The following IL17RB variants were observed in gnomAD, a reference collection of about 807,000 sequenced individuals.
The protein encoded by IL17RB is interleukin 17 receptor B.
A neutral mutation model predicts 43.9 loss-of-function variants in IL17RB; 36 were observed. The ratio of observed to expected loss-of-function variants is 0.82; its 90% confidence interval spans 0.63 to 1.08. The LOEUF (loss-of-function observed/expected upper bound fraction) is 1.08. IL17RB is among the 50% of genes least tolerant of loss of function. IL17RB has a pLI of 0.00. For missense variants in IL17RB, 613 were observed against 613.6 expected, an observed-to-expected ratio of 1.00 and a Z score of 0.01; for synonymous variants, 225 against 225.4, an observed-to-expected ratio of 1.00 and a Z score of 0.02.
chr3:53,860,219 T>C lies in IL17RB; in HGVS notation c.937T>C (p.Trp313Arg), dbSNP rs1331619546. Reference sequence around the variant, plus strand: ...GCTGGTGGCAGGGATCTATCTAATGTGGAGGCACGGTAAGGGTTATAATTC... The same window carrying C: ...GCTGGTGGCAGGGATCTATCTAATGCGGAGGCACGGTAAGGGTTATAATTC... ...WVLVAGIYLM[W>R]RHERIKKTSF... is the part of the protein sequence containing the mutation. The change falls in exon 10 of 11, where the codon TGG (tryptophan) becomes CGG (arginine). Residue 313 changes from tryptophan (W) to arginine (R), a missense_variant. Transcript: ENST00000288167. 7.4e-6 allele frequency: 12 copies of C among 1,612,446 alleles called. No homozygotes were observed. In the East Asian group the frequency reaches 2.7e-4, roughly 36 times the overall value.
At chr3:53,856,451 G>C (rs1395715743) in intron 6 of IL17RB, among the ~76,000 whole-genome samples, 3 of 152,234 alleles carry the variant, frequency 2.0e-5, no homozygotes, top group Non-Finnish European at 4.4e-5. Context: ...AGTCCTGATT[G>C]TGAGTTCACT....
intron 4 of IL17RB, among the ~76,000 whole-genome samples, 179 bp downstream of exon 4, chr3:53,852,305 CT>C (rs1334439916): frequency 1.3e-5 from 2 of 151,992 alleles, no homozygotes; most frequent in African/African-American, 4.8e-5. Flanking sequence ...CCAGACCTGG[CT>C]AATTTTTGTA....
chr3:53,848,511 CT>C (rs1273784719), intron 1 of IL17RB, among the ~76,000 whole-genome samples, 152 bp from the exon 2 acceptor site: 2 of 152,366 alleles, frequency 1.3e-5, no homozygotes, highest in Admixed American at 1.3e-4. Context: ...TAGTTCCCCC[CT>C]AAGCTGTGAA....
In IL17RB at chr3:53,864,838, A is replaced by C; in HGVS notation, c.1039A>C (p.Thr347Pro). 1 of 1,614,200 alleles carries C rather than the reference A, an allele frequency of 6.2e-7. No individual in the cohort carries two copies. Among genetic ancestry groups the C allele is most frequent in the Non-Finnish European group, 8.5e-7 (1 of 1,179,996 alleles). The change falls in exon 11 of 11, where the codon ACA becomes CCA. Residue 347 changes from threonine (T) to proline (P), a missense_variant. Coordinates refer to ENST00000288167, the MANE Select transcript of IL17RB (RefSeq NM_018725.4). ...VYPSEICFHH[T>P]ICYFTEFLQN... Reference sequence around the variant, plus strand: ...CCCATCTGAAATATGTTTCCATCACACAATTTGTTACTTCACTGAATTTCT... The same window carrying C: ...CCCATCTGAAATATGTTTCCATCACCCAATTTGTTACTTCACTGAATTTCT...
chr3:53,851,871 CTACCTT>C, intron 3 of IL17RB, 122 bp from the exon 4 acceptor site: 1 of 1,074,004 alleles, frequency 9.3e-7, no homozygotes, highest in Non-Finnish European at 1.4e-6. Context: ...ACAGTGGTGC[CTACCTT>C]TCAGTACTAT....
rs770278772 is a variant in IL17RB, at chr3:53,864,964, GCAGA to G, written c.1168_1171del (p.Asp390LysfsTer44). On this transcript the variant is annotated frameshift_variant, in exon 11 of 11. Coordinates refer to ENST00000288167, the MANE Select transcript of IL17RB (RefSeq NM_018725.4). LOFTEE classifies it low-confidence loss of function (END_TRUNC). ...GTGGCTTGCCACTCAAAAGAAGGCA[GCAGA>G]CAAAGTCGTCTTCCTTCTTTCCAAT... 3.7e-6 allele frequency: 6 copies of G among 1,614,070 alleles called. No homozygotes were observed. Among genetic ancestry groups the G allele is most frequent in the Admixed American group, 1.7e-5 (1 of 60,006 alleles).
chr3:53,865,174 GCT>G lies in IL17RB; in HGVS notation c.1379_1380del (p.Leu460GlnfsTer47), dbSNP rs1442862793. The G allele has an allele frequency of 1.2e-6, 2 of 1,614,104 alleles. No individual in the cohort carries two copies. Among genetic ancestry groups the G allele is most frequent in the Non-Finnish European group, 1.7e-6 (2 of 1,180,012 alleles). ...REIDTKDDYN[A>X]LSVCPKYHLM... ...GATTGATACAAAAGACGATTACAAT[GCT>G]CTCAGTGTCTGCCCCAAGTACCACC... On this transcript the variant is annotated frameshift_variant, in exon 11 of 11. Transcript: ENST00000288167. LOFTEE classifies it low-confidence loss of function (END_TRUNC).
At chr3:53,855,116 CAAAAAA>C (rs746854673) in intron 5 of IL17RB, among the ~76,000 whole-genome samples, 172 bp from the exon 6 acceptor site, 5 of 69,372 alleles carry the variant, frequency 7.2e-5, no homozygotes, top group Admixed American at 1.7e-4. Flanking sequence ...GACTCCGGCT[CAAAAAA>C]AAAAAAAAAA....
Position 53,852,863 on chromosome 3 carries a change from C to G in IL17RB, c.355-8C>G. On this transcript the variant is annotated splice_region_variant and splice_polypyrimidine_tract_variant and intron_variant, in intron 4 of 10. Coordinates refer to ENST00000288167, the MANE Select transcript of IL17RB (RefSeq NM_018725.4). ...TGGGAATTGAGAGTTCCTTGCTTTG[C>G]CTTTCAGTGGACATTTTCCTACATC... The G allele has an allele frequency of 6.2e-7, 1 of 1,613,234 alleles. No homozygotes were observed. The highest frequency in any genetic ancestry group is 8.5e-7 in the Non-Finnish European group (1 of 1,179,302).
At chr3:53,847,024 C>T (rs779257861) in intron 1 of IL17RB, among the ~76,000 whole-genome samples, 5 of 152,330 alleles carry the variant, frequency 3.3e-5, no homozygotes, top group Admixed American at 1.3e-4. Flanking sequence ...GGGGTCTGCT[C>T]ACCTGTTGGG....
intron 9 of IL17RB, 98 bp downstream of exon 9, chr3:53,858,916 T>C: frequency 1.1e-6 from 1 of 931,230 alleles, no homozygotes; most frequent in Non-Finnish European, 1.7e-6. Context: ...ATGTGGGCAG[T>C]GCAAGGGGTC....
chr3:53,862,517 A>G (rs927950050), intron 10 of IL17RB, among the ~76,000 whole-genome samples: 2 of 152,188 alleles, frequency 1.3e-5, no homozygotes, highest in African/African-American at 2.4e-5. Flanking sequence ...TCAAGGAAAG[A>G]GATTGTAGAT....
intron 9 of IL17RB, chr3:53,859,081 A>C: frequency 5.7e-6 from 2 of 347,868 alleles, no homozygotes; most frequent in Non-Finnish European, 1.0e-5. Flanking sequence ...ACAGTGCAAA[A>C]TGGATGTTCT....
intron 3 of IL17RB, among the ~76,000 whole-genome samples, chr3:53,850,809 A>G (rs1290059932): frequency 6.9e-6 from 1 of 145,348 alleles, no homozygotes; most frequent in Non-Finnish European, 1.5e-5. Flanking sequence ...TCAAAATAAA[A>G]TAAAATAAAA....
intron 10 of IL17RB, 35 bp from the exon 11 acceptor site, chr3:53,864,711 G>C (rs368914735): frequency 1.4e-6 from 2 of 1,478,186 alleles, no homozygotes. Context: ...GCTGTTTGCT[G>C]TTCACAGATA....
chr3:53,864,514 G>A lies in IL17RB; in HGVS notation c.947-232G>A, dbSNP rs184791328. Among the ~76,000 whole-genome samples, 558 of 152,084 alleles carry A rather than the reference G, an allele frequency of 3.7e-3. 2 individuals are homozygous for A. The highest frequency in any genetic ancestry group is 0.012 in the African/African-American group (500 of 41,494). On this transcript the variant is annotated intron_variant, in intron 10 of 10. Coordinates refer to ENST00000288167, the MANE Select transcript of IL17RB (RefSeq NM_018725.4). Reference sequence around the variant, plus strand: ...CACGCCACTGCACTCCAGCCTGGGCGACAGAGTGAGACTATGTCTCCAAAA... The same window carrying A: ...CACGCCACTGCACTCCAGCCTGGGCAACAGAGTGAGACTATGTCTCCAAAA...
At chr3:53,849,900 T>G in intron 3 of IL17RB, 105 bp downstream of exon 3, 1 of 1,100,506 alleles carries the variant, frequency 9.1e-7, no homozygotes. Context: ...CCAACAGAAA[T>G]ACATGCATAC....
Position 53,858,723 on chromosome 3 carries a change from C to T in IL17RB, c.752C>T (p.Thr251Ile), listed in dbSNP as rs1267357968. Residue 251 changes from threonine (T) to isoleucine (I), a missense_variant, in exon 9 of 11, where the codon ACT (threonine) becomes ATT (isoleucine). By Grantham distance (89) the Thr-to-Ile change is moderately conservative. Coordinates refer to ENST00000288167, the MANE Select transcript of IL17RB (RefSeq NM_018725.4). ...GAGCCTCTTGTTTTTCCTCAGCTGA[C>T]TCCATATTTTCCTACTTGTGGCAGC... ...GDSEGATVQLTPYFPTCGSDC... is the reference protein window; with the variant it reads ...GDSEGATVQLIPYFPTCGSDC... 4 of 1,613,848 alleles carry T rather than the reference C, an allele frequency of 2.5e-6. No individual in the cohort carries two copies. The highest frequency in any genetic ancestry group is 1.3e-5 in the African/African-American group (1 of 74,906).
intron 6 of IL17RB, 140 bp from the exon 7 acceptor site, chr3:53,856,704 A>G (rs1699345496): frequency 1.3e-6 from 1 of 754,280 alleles, no homozygotes; most frequent in African/African-American, 1.8e-5. Flanking sequence ...ACAATGATAA[A>G]AAGTTCACTA....
Sources: allele counts gnomAD v4.1 joint callset (sites outside exome capture counted in the v4.1 genomes callset), GRCh38; gene constraint gnomAD v4.1.1; transcripts MANE v1.5; gene names NCBI Gene and HGNC (gene_info 2026-07-23, HGNC 2026-07-21).